EEF1AKMT1: variants seen among roughly 807,000 people sequenced by gnomAD.
The protein encoded by EEF1AKMT1 is EEF1A lysine methyltransferase 1.
Under a neutral mutation model 21.0 loss-of-function variants are expected in EEF1AKMT1, and 18 were observed. The ratio of observed to expected loss-of-function variants is 0.86; its 90% CI spans 0.59 to 1.27. The LOEUF (loss-of-function observed/expected upper bound fraction) is 1.27, where lower values mean the gene tolerates loss of function less well. Ranked by LOEUF, EEF1AKMT1 falls within the 50% of genes most tolerant of loss-of-function variation. The pLI, the probability that EEF1AKMT1 is intolerant of heterozygous loss-of-function variation, is 0.00. For missense variants in EEF1AKMT1, 246 were observed against 258.6 expected, an observed-to-expected ratio of 0.95 and a Z score of 0.33; for synonymous variants, 109 against 94.8, an observed-to-expected ratio of 1.15 and a Z score of -0.87.
intron 1 of EEF1AKMT1, among the ~76,000 whole-genome samples, chr13:20,759,142 T>C (rs1279050451): frequency 2.0e-5 from 3 of 152,128 alleles, no homozygotes; most frequent in African/African-American, 7.2e-5. Flanking sequence ...TCAAAAGTAA[T>C]TGCAACAAAA....
At chr13:20,758,802 T>C (rs2058984409) in intron 1 of EEF1AKMT1, among the ~76,000 whole-genome samples, 1 of 152,082 alleles carries the variant, frequency 6.6e-6, no homozygotes, top group Non-Finnish European at 1.5e-5. Context: ...CAAAACAGCA[T>C]GGTACAGATA....
intron 1 of EEF1AKMT1, among the ~76,000 whole-genome samples, chr13:20,767,206 T>C (rs2059039362): frequency 7.0e-6 from 1 of 142,830 alleles, no homozygotes; most frequent in African/African-American, 2.6e-5. Context: ...CTCGGGAGGC[T>C]GAGGCAGGAG....
At chr13:20,762,185 T>C (rs2059004645) in intron 1 of EEF1AKMT1, among the ~76,000 whole-genome samples, 1 of 151,490 alleles carries the variant, frequency 6.6e-6, no homozygotes, top group Non-Finnish European at 1.5e-5. Flanking sequence ...CTTTTTTTTT[T>C]TTTTTTTTTT....
intron 4 of EEF1AKMT1, among the ~76,000 whole-genome samples, chr13:20,731,626 A>G (rs1019604859): frequency 1.3e-5 from 2 of 152,228 alleles, no homozygotes; most frequent in Admixed American, 1.3e-4. Context: ...CACCAGACCC[A>G]GTGTTGGGTA....
chr13:20,730,836 G>A (rs1270451574), intron 4 of EEF1AKMT1, among the ~76,000 whole-genome samples: 1 of 152,196 alleles, frequency 6.6e-6, no homozygotes, highest in Non-Finnish European at 1.5e-5. Context: ...GCAGCCAGCA[G>A]TGCAACCAGG....
intron 2 of EEF1AKMT1, among the ~76,000 whole-genome samples, chr13:20,749,475 C>T (rs1028431701): frequency 3.9e-5 from 6 of 152,186 alleles, no homozygotes; most frequent in Non-Finnish European, 7.3e-5. Flanking sequence ...GCAGCAAACC[C>T]TCCTGCAGCT....
In EEF1AKMT1 at chr13:20,737,781, G is replaced by C. The variant is rs1211597696; in HGVS notation, c.169C>G (p.Gln57Glu). ...TGTGCCAGCTGCAGAGCAGTTTCCT[G>C]ACTATACCAAAACTGGCTCAGTTGC... is the stretch of plus-strand genomic sequence containing the variant. ...NWQLSQFWYSQETALQLAQEA... is the reference protein window; with the variant it reads ...NWQLSQFWYSEETALQLAQEA... The change falls in exon 3 of 5, where the codon CAG becomes GAG. Residue 57 changes from glutamine (Q) to glutamate (E), a missense_variant. Transcript: ENST00000382758. The C allele has an allele frequency of 5.6e-6, 9 of 1,612,698 alleles. No individual in the cohort carries two copies. Among genetic ancestry groups the C allele is most frequent in the Admixed American group, 1.7e-5 (1 of 59,884 alleles).
intron 2 of EEF1AKMT1, among the ~76,000 whole-genome samples, chr13:20,751,274 A>T (rs184464363): frequency 6.6e-6 from 1 of 152,190 alleles, no homozygotes; most frequent in Admixed American, 6.5e-5. Context: ...TGTGTCCCTT[A>T]TGTTTTTGTC....
chr13:20,754,612 T>C (rs556228607), intron 2 of EEF1AKMT1, among the ~76,000 whole-genome samples: 5 of 152,132 alleles, frequency 3.3e-5, no homozygotes, highest in East Asian at 3.9e-4. Context: ...TCTGGGACCC[T>C]GAAAAATTTT....
intron 3 of EEF1AKMT1, among the ~76,000 whole-genome samples, chr13:20,732,975 A>C (rs543624829): frequency 1.3e-5 from 2 of 152,262 alleles, no homozygotes; most frequent in South Asian, 4.1e-4. Context: ...TAAAGTATCT[A>C]TCTCATTACA....
intron 2 of EEF1AKMT1, among the ~76,000 whole-genome samples, chr13:20,754,740 A>C (rs150504799): frequency 1.8e-5 from 1 of 56,324 alleles, no homozygotes; most frequent in African/African-American, 6.1e-5. Flanking sequence ...TACCAAAAAT[A>C]CAAAAAAAAA....
chr13:20,750,291 C>T (rs2058933448), intron 2 of EEF1AKMT1, among the ~76,000 whole-genome samples: 1 of 151,882 alleles, frequency 6.6e-6, no homozygotes, highest in Non-Finnish European at 1.5e-5. Flanking sequence ...AACATCAGAT[C>T]TTATTCCTTC....
chr13:20,766,765 C>T (rs143110217), intron 1 of EEF1AKMT1, among the ~76,000 whole-genome samples: 126 of 151,310 alleles, frequency 8.3e-4, no homozygotes, highest in Middle Eastern at 3.4e-3. Context: ...GAGGTTGCAG[C>T]GAGCCAAGAT....
intron 2 of EEF1AKMT1, among the ~76,000 whole-genome samples, chr13:20,740,378 C>T (rs2058862640): frequency 1.3e-5 from 2 of 152,272 alleles, no homozygotes; most frequent in Admixed American, 1.3e-4. Context: ...GGGGCTCCCA[C>T]AGTGCAGCAG....
At chr13:20,739,068 G>A (rs1053018394) in intron 2 of EEF1AKMT1, among the ~76,000 whole-genome samples, 7 of 152,068 alleles carry the variant, frequency 4.6e-5, no homozygotes, top group Non-Finnish European at 7.4e-5. Context: ...TGGGGGGGTC[G>A]TGGTCTCGCT....
In EEF1AKMT1 at chr13:20,728,959, C is replaced by CA; in HGVS notation, c.*120dup. 7.6e-7 allele frequency: 1 copy of CA among 1,323,974 alleles called. No homozygotes were observed. Among genetic ancestry groups the CA allele is most frequent in the South Asian group, 1.4e-5 (1 of 73,592 alleles). 82.0% of individuals were successfully genotyped at this position (1,323,974 alleles called of 1,614,324 possible). A position where few individuals can be genotyped will look rare whatever the true frequency, so the allele number is the denominator to read the frequency against. ...AGATCGCACACTTTATTTTGAAAAC[C>CA]AGGCCAGGGACAGCTCCAGTTTGGG... On this transcript the variant is annotated 3_prime_UTR_variant, in exon 5 of 5. Transcript: ENST00000382758.
At chr13:20,743,487 C>T (rs1308162407) in intron 2 of EEF1AKMT1, among the ~76,000 whole-genome samples, 1 of 151,262 alleles carries the variant, frequency 6.6e-6, no homozygotes, top group Non-Finnish European at 1.5e-5. Flanking sequence ...CAATTTACAT[C>T]TGTCACTTTC....
intron 2 of EEF1AKMT1, among the ~76,000 whole-genome samples, chr13:20,754,434 G>C (rs2058960005): frequency 1.3e-5 from 2 of 152,138 alleles, no homozygotes; most frequent in Admixed American, 1.3e-4. Context: ...TTTGACTTCT[G>C]ACAGTTTGAC....
chr13:20,741,571 C>T (rs1305749868), intron 2 of EEF1AKMT1, among the ~76,000 whole-genome samples: 6 of 151,338 alleles, frequency 4.0e-5, no homozygotes, highest in Admixed American at 1.3e-4. Flanking sequence ...GTTCTCCTGC[C>T]TCAGCCTCCC....
Sources: gnomAD v4.1 joint callset for allele counts (sites outside exome capture counted in the v4.1 genomes callset) on GRCh38, gnomAD v4.1.1 for gene constraint, MANE v1.5 for transcripts, NCBI Gene and HGNC (gene_info 2026-07-23, HGNC 2026-07-21) for gene names.